Variants in ZFAND3 observed in about 807,000 individuals in gnomAD.
ZFAND3 encodes zinc finger AN1-type containing 3.
A neutral mutation model predicts 29.6 loss-of-function variants in ZFAND3; 10 were observed. The ratio of observed to expected loss-of-function variants is 0.34; its 90% CI spans 0.21 to 0.57. The LOEUF (loss-of-function observed/expected upper bound fraction) is 0.57. ZFAND3 is among the 20% of genes least tolerant of loss of function. ZFAND3 has a pLI of 0.86. For missense variants in ZFAND3, 230 were observed against 304.5 expected, an observed-to-expected ratio of 0.76 and a Z score of 1.82; for synonymous variants, 128 against 112.6, an observed-to-expected ratio of 1.14 and a Z score of -0.87.
chr6:37,852,603 T>C (rs1018952453), intron 1 of ZFAND3, among the ~76,000 whole-genome samples: 4 of 152,328 alleles, frequency 2.6e-5, no homozygotes, highest in South Asian at 2.1e-4. Flanking sequence ...CCACCTCTTA[T>C]ATTTACAACT....
chr6:38,037,495 A>C (rs1417435031), intron 2 of ZFAND3, among the ~76,000 whole-genome samples: 4 of 152,240 alleles, frequency 2.6e-5, no homozygotes, highest in African/African-American at 4.8e-5. Flanking sequence ...CTTCTTGATA[A>C]AAATTTTTCC....
chr6:38,093,737 C>A (rs1764918190), intron 4 of ZFAND3, among the ~76,000 whole-genome samples: 1 of 152,074 alleles, frequency 6.6e-6, no homozygotes, highest in Non-Finnish European at 1.5e-5. Flanking sequence ...AGCCTGAAAT[C>A]ATTAAAGAGG....
At chr6:37,976,884 G>A (rs1762488294) in intron 2 of ZFAND3, among the ~76,000 whole-genome samples, 1 of 152,024 alleles carries the variant, frequency 6.6e-6, no homozygotes, top group South Asian at 2.1e-4. Flanking sequence ...GGGGACACGT[G>A]GGGATTACAA....
intron 1 of ZFAND3, among the ~76,000 whole-genome samples, chr6:37,823,127 C>T (rs958199092): frequency 6.6e-6 from 1 of 152,110 alleles, no homozygotes; most frequent in African/African-American, 2.4e-5. Context: ...CTCTGTGTGT[C>T]TGTATGAATG....
intron 2 of ZFAND3, among the ~76,000 whole-genome samples, chr6:37,972,318 C>T (rs1762402492): frequency 6.6e-6 from 1 of 152,202 alleles, no homozygotes; most frequent in African/African-American, 2.4e-5. Flanking sequence ...ATTCACCAAC[C>T]CAGTCTTTCT....
intron 2 of ZFAND3, among the ~76,000 whole-genome samples, chr6:38,054,909 A>G (rs868708100): frequency 6.6e-6 from 1 of 152,206 alleles, no homozygotes; most frequent in African/African-American, 2.4e-5. Context: ...TTGGCTGGCT[A>G]CTAATGGCTT....
intron 2 of ZFAND3, among the ~76,000 whole-genome samples, chr6:38,028,022 C>T (rs1005534184): frequency 6.6e-6 from 1 of 152,200 alleles, no homozygotes; most frequent in Non-Finnish European, 1.5e-5. Context: ...GTCAAGTTGT[C>T]TGCTCTGTTT....
chr6:37,922,768 G>T (rs1348309914), intron 1 of ZFAND3, among the ~76,000 whole-genome samples: 1 of 152,144 alleles, frequency 6.6e-6, no homozygotes, highest in Admixed American at 6.5e-5. Context: ...TAAAAATGTG[G>T]CATGAAAGAT....
rs375083910 is a variant in ZFAND3 at position 38,148,851 on chromosome 6, A to T, written c.530-3384A>T. Among the ~76,000 whole-genome samples the T allele has an allele frequency of 1.6e-4, 24 of 152,290 alleles. 1 individual carries two copies. Among genetic ancestry groups the T allele is most frequent in the East Asian group, 9.7e-4 (5 of 5,168 alleles). ...TCAGCATTTGGGACAAGTTCCAGACATAACTTCCTCTTAGTGAATGATCCT... is the reference window on the plus strand; with the variant it reads ...TCAGCATTTGGGACAAGTTCCAGACTTAACTTCCTCTTAGTGAATGATCCT... On this transcript the variant is annotated intron_variant, in intron 5 of 5. Transcript: ENST00000287218.
intron 2 of ZFAND3, among the ~76,000 whole-genome samples, chr6:38,030,753 A>C (rs1170774955): frequency 5.3e-5 from 8 of 152,144 alleles, no homozygotes; most frequent in Admixed American, 5.2e-4. Flanking sequence ...TATGACCTAC[A>C]GGTCTGCATT....
chr6:38,059,124 A>G (rs1377947038), intron 2 of ZFAND3, among the ~76,000 whole-genome samples: 1 of 152,176 alleles, frequency 6.6e-6, no homozygotes, highest in Non-Finnish European at 1.5e-5. Context: ...CAATAATCAC[A>G]CTCAGATACC....
At position 38,103,348 on chromosome 6, in the gene ZFAND3, G is replaced by GTA. The variant is rs5875613; in HGVS notation, c.362-13205_362-13204dup. 4.5e-3 allele frequency among the ~76,000 whole-genome samples: 651 copies of GTA among 143,618 alleles called. 2 individuals carry two copies. The highest frequency in any genetic ancestry group is 0.011 in the African/African-American group (441 of 38,626). 94.2% of individuals were successfully genotyped at this position (143,618 alleles called of 152,430 possible). On this transcript the variant is annotated intron_variant, in intron 4 of 5. Transcript: ENST00000287218. ...TAAATCTGGGTGTGTGTGTGTGTAT[G>GTA]TATATATATATATATATATACACAC...
chr6:38,108,135 G>A (rs1031761432), intron 4 of ZFAND3, among the ~76,000 whole-genome samples: 1 of 152,046 alleles, frequency 6.6e-6, no homozygotes, highest in Non-Finnish European at 1.5e-5. Context: ...AATATTCTTA[G>A]GTATGATATT....
chr6:37,846,750 C>T (rs991127445), intron 1 of ZFAND3, among the ~76,000 whole-genome samples: 5 of 145,174 alleles, frequency 3.4e-5, no homozygotes, highest in South Asian at 2.2e-4. Flanking sequence ...CTCGCTCTGT[C>T]GCCCAGGCTG....
At chr6:38,033,936 T>C (rs1386907007) in intron 2 of ZFAND3, among the ~76,000 whole-genome samples, 2 of 152,234 alleles carry the variant, frequency 1.3e-5, no homozygotes, top group Admixed American at 6.5e-5. Context: ...GGGTACTTAC[T>C]GTTTCAAAAT....
chr6:37,830,982 A>G (rs376474326), intron 1 of ZFAND3, among the ~76,000 whole-genome samples: 1 of 151,694 alleles, frequency 6.6e-6, no homozygotes, highest in East Asian at 1.9e-4. Flanking sequence ...TCTATCCCAA[A>G]CTCCTCCAAA....
At chr6:37,896,986 T>G (rs749820937) in intron 1 of ZFAND3, among the ~76,000 whole-genome samples, 1 of 152,206 alleles carries the variant, frequency 6.6e-6, no homozygotes, top group Non-Finnish European at 1.5e-5. Context: ...TTAAAATTTA[T>G]AATTTATTAA....
chr6:37,906,045 C>T (rs1031708014), intron 1 of ZFAND3, among the ~76,000 whole-genome samples: 13 of 152,164 alleles, frequency 8.5e-5, no homozygotes, highest in Admixed American at 4.6e-4. Flanking sequence ...TGGTATAATA[C>T]TTACACAATA....
intron 1 of ZFAND3, among the ~76,000 whole-genome samples, chr6:37,888,087 T>G (rs1419715720): frequency 6.6e-6 from 1 of 152,234 alleles, no homozygotes; most frequent in Non-Finnish European, 1.5e-5. Flanking sequence ...TTAAGGATTT[T>G]TTTTCTTAAT....
Sources: allele counts gnomAD v4.1 joint callset (sites outside exome capture counted in the v4.1 genomes callset), GRCh38; gene constraint gnomAD v4.1.1; transcripts MANE v1.5; gene names NCBI Gene and HGNC (gene_info 2026-07-23, HGNC 2026-07-21).